C2CD5: variants seen among roughly 807,000 people sequenced by gnomAD.
C2CD5 encodes C2 domain-containing protein 5.
In C2CD5, 109 loss-of-function variants were observed where a neutral mutation model predicts 130.3. The ratio of observed to expected loss-of-function variants is 0.84; its 90% CI spans 0.72 to 0.98. C2CD5 has a LOEUF of 0.98. C2CD5 is among the 50% of genes least tolerant of loss of function. The pLI is 0.00. For synonymous variants in C2CD5, 454 were observed against 429.2 expected (o/e 1.06, Z -0.71); for missense variants, 996 against 1,261.8 (o/e 0.79, Z 3.19).
intron 12 of C2CD5, among the ~76,000 whole-genome samples, chr12:22,486,641 A>G (rs1490936340): frequency 6.6e-6 from 1 of 152,182 alleles, no homozygotes; most frequent in African/African-American, 2.4e-5. Flanking sequence ...AACATCCTAT[A>G]CAAATGAATG....
intron 2 of C2CD5, among the ~76,000 whole-genome samples, chr12:22,541,572 C>T (rs556281770): frequency 6.6e-6 from 1 of 152,302 alleles, no homozygotes; most frequent in African/African-American, 2.4e-5. Context: ...TTAAAACACA[C>T]CAAATCTCTA....
At position 22,485,354 on chromosome 12, in the gene C2CD5, C is replaced by CA. The variant is rs1238905640; in HGVS notation, c.1359-467dup. ...GGAAGGTGGGGATGGCTAATGGGTACAAAAAAATAGAAAGAATGAATAAGA... is the reference window on the plus strand; with the variant it reads ...GGAAGGTGGGGATGGCTAATGGGTACAAAAAAAATAGAAAGAATGAATAAGA... On this transcript the variant is annotated intron_variant, in intron 12 of 26. Coordinates refer to ENST00000446597, the MANE Select transcript of C2CD5 (RefSeq NM_001286176.2). Among the ~76,000 whole-genome samples the CA allele has an allele frequency of 2.0e-5, 3 of 151,190 alleles. No individual in the cohort carries two copies. The East Asian group carries it at 5.8e-4, about 29-fold the overall frequency.
At chr12:22,542,973 T>C (rs1952547352) in intron 2 of C2CD5, among the ~76,000 whole-genome samples, 1 of 152,250 alleles carries the variant, frequency 6.6e-6, no homozygotes, top group African/African-American at 2.4e-5. Flanking sequence ...TTTTAGTTAT[T>C]TGTGGATTCC....
chr12:22,462,830 TAATCTC>T (rs1178020026), intron 22 of C2CD5, among the ~76,000 whole-genome samples: 3 of 152,162 alleles, frequency 2.0e-5, no homozygotes, highest in Non-Finnish European at 4.4e-5. Flanking sequence ...TTCACACCTG[TAATCTC>T]AGCACTTTGG....
At chr12:22,503,735 C>G (rs922170051) in intron 10 of C2CD5, among the ~76,000 whole-genome samples, 2 of 152,128 alleles carry the variant, frequency 1.3e-5, no homozygotes, top group African/African-American at 4.8e-5. Flanking sequence ...CGGTCTCAAA[C>G]CCCTGAGCTC....
intron 16 of C2CD5, 145 bp downstream of exon 16, chr12:22,474,606 C>T (rs548998333): frequency 2.0e-6 from 1 of 505,532 alleles, no homozygotes; most frequent in Non-Finnish European, 3.2e-6. Context: ...CTGTTATTTT[C>T]AAGTTTGTTG....
intron 12 of C2CD5, among the ~76,000 whole-genome samples, chr12:22,487,422 A>G (rs572344785): frequency 3.0e-4 from 46 of 152,366 alleles, no homozygotes; most frequent in African/African-American, 9.4e-4. Flanking sequence ...AAAAGAAGAC[A>G]TTTATGCAGC....
intron 2 of C2CD5, among the ~76,000 whole-genome samples, chr12:22,543,328 A>C (rs1297860715): frequency 1.3e-5 from 2 of 152,240 alleles, no homozygotes; most frequent in Admixed American, 1.3e-4. Context: ...ATTAGACTTA[A>C]AAAGCAATTT....
At chr12:22,515,012 G>A in intron 8 of C2CD5, 8 of 985,346 alleles carry the variant, frequency 8.1e-6, no homozygotes, top group Non-Finnish European at 9.6e-6. Flanking sequence ...CCTCAGAACT[G>A]GGCTGACAAG....
intron 10 of C2CD5, among the ~76,000 whole-genome samples, chr12:22,500,568 A>G (rs1448345338): frequency 2.0e-5 from 3 of 152,206 alleles, no homozygotes; most frequent in South Asian, 2.1e-4. Context: ...CATACCACAC[A>G]GTAAATTATT....
At chr12:22,510,381 G>A (rs1412745626) in intron 9 of C2CD5, among the ~76,000 whole-genome samples, 1 of 152,146 alleles carries the variant, frequency 6.6e-6, no homozygotes, top group Non-Finnish European at 1.5e-5. Context: ...TTTGACATAA[G>A]CCAAGGGCAG....
intron 11 of C2CD5, 103 bp from the exon 12 acceptor site, chr12:22,490,321 G>T: frequency 1.4e-6 from 1 of 734,780 alleles, no homozygotes; most frequent in Non-Finnish European, 2.3e-6. Context: ...TTAAGTTCAA[G>T]TTAGACTCTA....
At chr12:22,467,343 A>G (rs1209066754) in intron 22 of C2CD5, among the ~76,000 whole-genome samples, 3 of 151,734 alleles carry the variant, frequency 2.0e-5, no homozygotes, top group Admixed American at 1.3e-4. Flanking sequence ...AATTTTTTGT[A>G]TTTTTTGTAG....
At chr12:22,466,532 CA>C (rs1279667775) in intron 22 of C2CD5, among the ~76,000 whole-genome samples, 2 of 152,090 alleles carry the variant, frequency 1.3e-5, no homozygotes, top group African/African-American at 4.8e-5. Flanking sequence ...TTTCATGTTA[CA>C]ACACGCAATT....
intron 26 of C2CD5, among the ~76,000 whole-genome samples, chr12:22,451,460 A>G (rs933956007): frequency 3.9e-5 from 6 of 152,082 alleles, no homozygotes; most frequent in African/African-American, 1.2e-4. Flanking sequence ...AAAGTGGGGG[A>G]AAAAGCTAAT....
At chr12:22,484,909 A>G in intron 12 of C2CD5, 21 bp from the exon 13 acceptor site, 2 of 1,234,440 alleles carry the variant, frequency 1.6e-6, no homozygotes, top group Non-Finnish European at 2.2e-6. Context: ...AAATAAAAAA[A>G]TAAGATATTC....
At chr12:22,524,195 C>T (rs1165547279) in intron 6 of C2CD5, among the ~76,000 whole-genome samples, 2 of 152,012 alleles carry the variant, frequency 1.3e-5, no homozygotes, top group Non-Finnish European at 2.9e-5. Flanking sequence ...TCCAGGTTCC[C>T]ACTCAGGGTT....
At chr12:22,458,683 A>G in intron 23 of C2CD5, 98 bp from the exon 24 acceptor site, 1 of 430,108 alleles carries the variant, frequency 2.3e-6, no homozygotes, top group East Asian at 3.6e-5. Flanking sequence ...ATGTAATTTA[A>G]CTGTAACTCA....
chr12:22,519,015 G>T, intron 7 of C2CD5: 1 of 1,038,712 alleles, frequency 9.6e-7, no homozygotes, highest in Non-Finnish European at 1.3e-6. Context: ...ATGAAGCAAA[G>T]ATTTATGGTA....
Sources: gnomAD v4.1 joint callset for allele counts (sites outside exome capture counted in the v4.1 genomes callset) on GRCh38, gnomAD v4.1.1 for gene constraint, MANE v1.5 for transcripts, NCBI Gene and HGNC (gene_info 2026-07-23, HGNC 2026-07-21) for gene names.